The following ADD2 variants were observed in gnomAD, a reference collection of about 807,000 sequenced individuals.
ADD2 encodes adducin 2, also known as beta-adducin.
In ADD2, 23 loss-of-function variants were observed where a neutral mutation model predicts 83.0. The observed-to-expected ratio is 0.28, with a 90% CI of 0.20 to 0.39. The LOEUF is 0.39. ADD2 is among the 10% of genes least tolerant of loss of function. The pLI is 1.00. For missense variants in ADD2, 758 were observed against 944.9 expected, an observed-to-expected ratio of 0.80 and a Z score of 2.59; for synonymous variants, 375 against 375.4, an observed-to-expected ratio of 1.00 and a Z score of 0.01.
chr2:70,678,737 C>T lies in ADD2; in HGVS notation c.1350G>A (p.Gln450=). 3 of 1,596,756 alleles carry T rather than the reference C, an allele frequency of 1.9e-6. No homozygotes were observed. Among genetic ancestry groups the T allele is most frequent in the Non-Finnish European group, 2.6e-6 (3 of 1,170,680 alleles). ...TGGGTCGGGGGCTGCCCATGCTCCT[C>T]TGGACCTCATCGGCCACATTGACCC... ...YLRVNVADEV[Q]RSMGSPRPKT... Residue 450 remains glutamine (Q), a synonymous_variant, in exon 11 of 16, where the codon CAG becomes CAA. Transcript: ENST00000264436.
At chr2:70,741,118 T>C (rs565614819) in intron 1 of ADD2, among the ~76,000 whole-genome samples, 3 of 152,252 alleles carry the variant, frequency 2.0e-5, no homozygotes, top group African/African-American at 7.2e-5. Flanking sequence ...AAATGATAAA[T>C]TGCCCTGCAG....
intron 1 of ADD2, among the ~76,000 whole-genome samples, chr2:70,724,531 A>G (rs1672884716): frequency 2.0e-5 from 3 of 152,116 alleles, no homozygotes; most frequent in Non-Finnish European, 4.4e-5. Flanking sequence ...CCCGGAGCTC[A>G]GGCCAGGTTG....
intron 1 of ADD2, among the ~76,000 whole-genome samples, chr2:70,758,904 G>A (rs1674937129): frequency 6.6e-6 from 1 of 152,162 alleles, no homozygotes; most frequent in South Asian, 2.1e-4. Context: ...CAGGGGCAGT[G>A]TGGCCATATG....
chr2:70,745,882 A>G (rs782071395), intron 1 of ADD2, among the ~76,000 whole-genome samples: 4 of 152,244 alleles, frequency 2.6e-5, no homozygotes, highest in Non-Finnish European at 5.9e-5. Context: ...GATTAATTGT[A>G]TGTATTACAT....
chr2:70,713,974 T>C (rs545022368), intron 1 of ADD2, among the ~76,000 whole-genome samples: 2 of 152,066 alleles, frequency 1.3e-5, no homozygotes, highest in African/African-American at 2.4e-5. Flanking sequence ...AGGCTGTCCA[T>C]GGGTGAATTC....
intron 15 of ADD2, among the ~76,000 whole-genome samples, chr2:70,666,817 G>A (rs1234712015): frequency 6.6e-6 from 1 of 152,198 alleles, no homozygotes; most frequent in Admixed American, 6.5e-5. Flanking sequence ...GGGGGCCACA[G>A]ATGGTGCATC....
At chr2:70,691,652 T>G (rs1240307916) in intron 7 of ADD2, 2 of 152,178 alleles carry the variant, frequency 1.3e-5, no homozygotes, top group Non-Finnish European at 2.9e-5. Context: ...CCTCCTTCAT[T>G]CATTCTGCCC....
intron 1 of ADD2, among the ~76,000 whole-genome samples, chr2:70,727,137 T>C (rs1289910910): frequency 6.6e-6 from 1 of 152,224 alleles, no homozygotes; most frequent in African/African-American, 2.4e-5. Context: ...ATTTCCAGTG[T>C]CTGCCATAGA....
intron 15 of ADD2, among the ~76,000 whole-genome samples, chr2:70,671,809 A>G (rs1343816003): frequency 1.3e-5 from 2 of 152,182 alleles, no homozygotes; most frequent in Admixed American, 1.3e-4. Flanking sequence ...GGATTCTATC[A>G]GAATCCACAC....
chr2:70,706,290 T>C lies in ADD2; in HGVS notation c.119A>G (p.Asp40Gly). 6.2e-7 allele frequency: 1 copy of C among 1,614,068 alleles called. No individual in the cohort carries two copies. Among genetic ancestry groups the C allele is most frequent in the East Asian group, 2.2e-5 (1 of 44,874 alleles). The change falls in exon 3 of 16, where the codon GAC becomes GGC. Residue 40 changes from aspartate (D) to glycine (G), a missense_variant. Transcript: ENST00000264436. The surrounding 1 kb of genome is among the most constrained non-coding windows in gnomAD (Gnocchi z 5.0). ...CATCAGGTTGAAGTCCTGCCGCAGG[T>C]CCGCCGCCCGGTTGCGAAGGCGCAT... ...EYMRLRNRAA[D>G]LRQDFNLMEQ...
chr2:70,676,192 C>G lies in ADD2; in HGVS notation c.1593+604G>C, dbSNP rs1670130100. The G allele has an allele frequency of 2.0e-6, 2 of 985,794 alleles. No individual in the cohort carries two copies. Among genetic ancestry groups the G allele is most frequent in the Non-Finnish European group, 2.4e-6 (2 of 830,182 alleles). The allele number at this position is 985,794 out of a possible 1,614,324, so 61.1% of individuals were successfully genotyped here. A position where few individuals can be genotyped will look rare whatever the true frequency, so the allele number is the denominator to read the frequency against. ...GTGATTTCAAACACATGCCAGAATT[C>G]TGAACTTCACCCCTTTTGCTAAGCA... On this transcript the variant is annotated intron_variant, in intron 13 of 15. Transcript: ENST00000264436. This position sits in a 1 kb window ranked among gnomAD's most constrained non-coding sequence, Gnocchi z 4.8.
intron 13 of ADD2, chr2:70,675,059 C>A: frequency 7.9e-7 from 1 of 1,267,876 alleles, no homozygotes; most frequent in South Asian, 2.7e-5. Context: ...CCACAGTCTG[C>A]CCCTGAAATA....
chr2:70,722,091 C>T (rs1558559351), intron 1 of ADD2, among the ~76,000 whole-genome samples: 2 of 152,150 alleles, frequency 1.3e-5, no homozygotes, highest in African/African-American at 2.4e-5. Flanking sequence ...TAGGACATCT[C>T]CTGCTTAAAG....
At chr2:70,764,598 C>T (rs893262327) in intron 1 of ADD2, among the ~76,000 whole-genome samples, 1 of 151,960 alleles carries the variant, frequency 6.6e-6, no homozygotes, top group African/African-American at 2.4e-5. Flanking sequence ...ATCCAGAACA[C>T]ATTTTTACTG....
At chr2:70,759,085 CACAGGGATTT>C (rs1338753469) in intron 1 of ADD2, among the ~76,000 whole-genome samples, 1 of 152,118 alleles carries the variant, frequency 6.6e-6, no homozygotes, top group Non-Finnish European at 1.5e-5. Flanking sequence ...TGATAGAAGC[CACAGGGATTT>C]ACTACTTGGC....
At chr2:70,702,937 G>C (rs1296548815) in intron 4 of ADD2, among the ~76,000 whole-genome samples, 1 of 152,140 alleles carries the variant, frequency 6.6e-6, no homozygotes, top group East Asian at 1.9e-4. Context: ...AACCAGCCTG[G>C]GCAACATGGT....
intron 1 of ADD2, among the ~76,000 whole-genome samples, chr2:70,727,934 A>AATAC (rs1673093912): frequency 6.8e-6 from 1 of 146,396 alleles, no homozygotes; most frequent in African/African-American, 2.5e-5. Flanking sequence ...TAAATAAATA[A>AATAC]AATGCAGAAT....
chr2:70,686,942 G>A (rs1220111721), intron 9 of ADD2, among the ~76,000 whole-genome samples: 2 of 152,206 alleles, frequency 1.3e-5, no homozygotes, highest in Non-Finnish European at 2.9e-5. Flanking sequence ...AATCTCCCCA[G>A]AGTGCCTCCA....
At chr2:70,704,270 C>CCCCCCCCCCCCCCCCCCACAGGG in intron 4 of ADD2, 51 bp downstream of exon 4, 1 of 1,228,716 alleles carries the variant, frequency 8.1e-7, no homozygotes, top group Non-Finnish European at 1.1e-6. Context: ...TCTTCCCCAC[C>CCCCCCCCCCCCCCCCCCACAGGG]CCACCCTCCC....
Sources: allele counts gnomAD v4.1 joint callset (sites outside exome capture counted in the v4.1 genomes callset), GRCh38; gene constraint gnomAD v4.1.1; non-coding constraint Gnocchi (gnomAD v3.1); transcripts MANE v1.5; gene names NCBI Gene and HGNC (gene_info 2026-07-23, HGNC 2026-07-21).